AHCTF1: variants seen among roughly 807,000 people sequenced by gnomAD.
AHCTF1 encodes AT-hook containing transcription factor 1, also known as protein ELYS.
AHCTF1 carries 24 observed loss-of-function variants against 248.4 expected under a neutral mutation model. That is an observed-to-expected ratio of 0.10 (90% confidence interval 0.07 to 0.14). The LOEUF is 0.14. Among genes scored for constraint, AHCTF1 ranks in the 10% least tolerant of loss-of-function variants. The probability of loss-of-function intolerance (pLI) is 1.00; values close to 1 mark genes in which losing one functional copy is unlikely to be tolerated. For missense variants in AHCTF1, 2,206 were observed against 2,636.2 expected, an observed-to-expected ratio of 0.84 and a Z score of 3.57; for synonymous variants, 786 against 929.8, an observed-to-expected ratio of 0.85 and a Z score of 2.81.
intron 5 of AHCTF1, among the ~76,000 whole-genome samples, chr1:246,906,708 AAATT>A (rs1472467445): frequency 6.6e-6 from 1 of 151,946 alleles, no homozygotes. Context: ...AGAAACAAAT[AAATT>A]GACAACTTAA....
chr1:246,868,906 G>A (rs540809075), intron 24 of AHCTF1, among the ~76,000 whole-genome samples: 2,800 of 148,056 alleles, frequency 0.019, 42 homozygotes, highest in Non-Finnish European at 0.029. Flanking sequence ...GTGCAGTGGT[G>A]TGATCTCGGC....
chr1:246,919,606 G>C (rs752328787), intron 1 of AHCTF1, among the ~76,000 whole-genome samples: 9 of 151,260 alleles, frequency 6.0e-5, no homozygotes, highest in Non-Finnish European at 1.3e-4. Context: ...TCACCTACTC[G>C]GGAGGCTGAA....
intron 29 of AHCTF1, among the ~76,000 whole-genome samples, chr1:246,859,404 G>T (rs1236472047): frequency 6.6e-6 from 1 of 152,084 alleles, no homozygotes; most frequent in Admixed American, 6.6e-5. Context: ...AACCAAACTG[G>T]ATTCTAAGTG....
intron 1 of AHCTF1, among the ~76,000 whole-genome samples, chr1:246,926,787 C>T (rs926027760): frequency 3.9e-5 from 6 of 152,068 alleles, no homozygotes; most frequent in Admixed American, 1.3e-4. Context: ...ACCCGGGAGG[C>T]GGAGATTGCA....
intron 24 of AHCTF1, among the ~76,000 whole-genome samples, chr1:246,870,254 G>C (rs1009891577): frequency 1.3e-5 from 2 of 152,178 alleles, no homozygotes; most frequent in Admixed American, 6.5e-5. Context: ...GAATAGCCTG[G>C]GCGACATAGT....
chr1:246,908,882 A>T (rs1572451795), intron 4 of AHCTF1, among the ~76,000 whole-genome samples: 1 of 151,166 alleles, frequency 6.6e-6, no homozygotes, highest in Non-Finnish European at 1.5e-5. Context: ...TGGGTGACAG[A>T]GCAAGACTCC....
At chr1:246,871,429 A>T (rs1490776413) in intron 24 of AHCTF1, among the ~76,000 whole-genome samples, 2 of 152,170 alleles carry the variant, frequency 1.3e-5, no homozygotes, top group African/African-American at 4.8e-5. Flanking sequence ...CAAATACTCA[A>T]CCACTACTGA....
In AHCTF1 at chr1:246,868,867, T is replaced by C. The variant is rs568551864; in HGVS notation, c.3089-1056A>G. On this transcript the variant is annotated intron_variant, in intron 24 of 35. Transcript: ENST00000648844. ...TTTTGTTTTTTTTTTTTTTTTGAGA[T>C]GGAGTCTCGCTCTGTCACCCAGGTT... 5.0e-3 allele frequency among the ~76,000 whole-genome samples: 722 copies of C among 143,358 alleles called. 8 individuals are homozygous for C. The highest frequency in any genetic ancestry group is 0.014 in the South Asian group (64 of 4,624). The allele number at this position is 143,358 out of a possible 152,430, so 94.0% of individuals were successfully genotyped here.
chr1:246,882,190 GGTTTCACC>G (rs1663492232), intron 21 of AHCTF1, among the ~76,000 whole-genome samples: 1 of 150,842 alleles, frequency 6.6e-6, no homozygotes, highest in Admixed American at 6.6e-5. Flanking sequence ...GTAGAGATGG[GGTTTCACC>G]GTGTTAGCCA....
intron 4 of AHCTF1, among the ~76,000 whole-genome samples, chr1:246,909,916 A>G (rs1665680689): frequency 6.6e-6 from 1 of 152,190 alleles, no homozygotes; most frequent in African/African-American, 2.4e-5. Context: ...ACATTGCCAA[A>G]CATCTCCTGG....
rs1440115911 is a variant in AHCTF1, at chr1:246,900,191, C to G, written c.1306G>C (p.Val436Leu). 1 of 1,607,552 alleles carries G rather than the reference C, an allele frequency of 6.2e-7. No individual in the cohort carries two copies. The highest frequency in any genetic ancestry group is 8.5e-7 in the Non-Finnish European group (1 of 1,178,266). ...SYFALWSLES[V>L]VSRTSPHGIL... Reference sequence around the variant, plus strand: ...CCATGTGGAGAAGTCCTACTTACAACAGACTCCAATGACCACAGTGCAAAA... The same window carrying G: ...CCATGTGGAGAAGTCCTACTTACAAGAGACTCCAATGACCACAGTGCAAAA... The change falls in exon 10 of 36, where the codon GTT (valine) becomes CTT (leucine). Residue 436 changes from valine to leucine, a missense_variant. Val to Leu is a conservative substitution (Grantham distance 32, BLOSUM62 1). Around this residue, in one of 6 missense-constraint regions of AHCTF1, gnomAD observed 650 missense variants for 870.8 expected, o/e 0.75. Coordinates refer to ENST00000648844, the MANE Select transcript of AHCTF1 (RefSeq NM_001323342.2).
intron 1 of AHCTF1, chr1:246,931,206 A>G (rs536037532): frequency 6.5e-7 from 1 of 1,550,254 alleles, no homozygotes; most frequent in Admixed American, 2.0e-5. Context: ...CCCTCGGGGA[A>G]AGGCCCGCCA....
Position 246,851,003 on chromosome 1 carries a change from A to G in AHCTF1, c.5003T>C (p.Ile1668Thr). 3 of 1,613,958 alleles carry G rather than the reference A, an allele frequency of 1.9e-6. No individual in the cohort carries two copies. Among genetic ancestry groups the G allele is most frequent in the Non-Finnish European group, 2.5e-6 (3 of 1,179,862 alleles). The change falls in exon 33 of 36, where the codon ATT becomes ACT. Residue 1668 changes from isoleucine (I) to threonine (T), a missense_variant. Coordinates refer to ENST00000648844, the MANE Select transcript of AHCTF1 (RefSeq NM_001323342.2). ...PYVPEPIKVA[I>T]AENLLDVIKD... ...AATTACATCTAGTAAATTTTCTGCA[A>G]TTGCTACTTTAATAGGTTCAGGCAC...
At chr1:246,876,431 T>C (rs537779408) in intron 23 of AHCTF1, among the ~76,000 whole-genome samples, 75 of 152,328 alleles carry the variant, frequency 4.9e-4, no homozygotes, top group African/African-American at 1.8e-3. Context: ...ACAATGGTTA[T>C]TAAGCATCCA....
At chr1:246,870,839 GA>G (rs2103092087) in intron 24 of AHCTF1, among the ~76,000 whole-genome samples, 1 of 151,752 alleles carries the variant, frequency 6.6e-6, no homozygotes, top group African/African-American at 2.4e-5. Context: ...AAAAATTCTT[GA>G]AAATGGCCGG....
rs1558200316 is a variant in AHCTF1 at position 246,840,969 on chromosome 1, G to GGT, written c.6636_6637dup (p.Pro2213HisfsTer5). 1.2e-6 allele frequency: 2 copies of GGT among 1,610,254 alleles called. No individual in the cohort carries two copies. Among genetic ancestry groups the GGT allele is most frequent in the East Asian group, 4.5e-5 (2 of 44,788 alleles). ...AATCAGCCGAATTTCTATGGGAGGA[G>GGT]GTGACCAAGCACTTTCTTTTTCTGT... On this transcript the variant is annotated frameshift_variant, in exon 36 of 36. Transcript: ENST00000648844. LOFTEE classifies it high-confidence loss of function.
At chr1:246,844,558 C>T (rs1210559296) in intron 33 of AHCTF1, among the ~76,000 whole-genome samples, 1 of 151,958 alleles carries the variant, frequency 6.6e-6, no homozygotes, top group African/African-American at 2.4e-5. Flanking sequence ...CCTGTCTCTA[C>T]AAAAAATTTT....
At chr1:246,920,142 CAAAA>C (rs68194249) in intron 1 of AHCTF1, among the ~76,000 whole-genome samples, 18 of 40,804 alleles carry the variant, frequency 4.4e-4, no homozygotes, top group South Asian at 1.1e-3. Flanking sequence ...CTGTCCCCCG[CAAAA>C]AAAAAAAAAA....
chr1:246,845,319 G>GT (rs982697699), intron 33 of AHCTF1, among the ~76,000 whole-genome samples: 6 of 151,630 alleles, frequency 4.0e-5, no homozygotes, highest in South Asian at 2.1e-4. Flanking sequence ...ATATAAAAAT[G>GT]TTTTTTGTGG....
Sources: allele counts gnomAD v4.1 joint callset (sites outside exome capture counted in the v4.1 genomes callset), GRCh38; gene constraint gnomAD v4.1.1; regional missense constraint gnomAD v4.1.1; transcripts MANE v1.5; gene names NCBI Gene and HGNC (gene_info 2026-07-23, HGNC 2026-07-21).